ERC1: variants seen among roughly 807,000 people sequenced by gnomAD.
The protein encoded by ERC1 is RAB6 interacting protein 2.
Under a neutral mutation model 132.0 loss-of-function variants are expected in ERC1, and 56 were observed. The ratio of observed to expected loss-of-function variants is 0.42; its 90% CI spans 0.34 to 0.53. ERC1 has a LOEUF of 0.53. Ranked by LOEUF, ERC1 falls within the 20% of genes least tolerant of loss-of-function variation. The probability of loss-of-function intolerance (pLI) is 0.03; values close to 1 mark genes in which losing one functional copy is unlikely to be tolerated. For missense variants in ERC1, 1,202 were observed against 1,349.9 expected (o/e 0.89, Z 1.72); for synonymous variants, 478 against 476.1 (o/e 1.00, Z -0.05).
chr12:1,000,201 C>G (rs1425276743), intron 1 of ERC1, among the ~76,000 whole-genome samples: 1 of 151,928 alleles, frequency 6.6e-6, no homozygotes, highest in African/African-American at 2.4e-5. Context: ...ATAAGATAAT[C>G]AGGCCAGGCA....
chr12:1,336,555 G>T (rs2154360186), intron 15 of ERC1, among the ~76,000 whole-genome samples: 1 of 152,216 alleles, frequency 6.6e-6, no homozygotes, highest in Admixed American at 6.5e-5. Flanking sequence ...ATAATGGTAT[G>T]GTTTCGAGCA....
At chr12:1,167,440 G>A (rs1170617231) in intron 8 of ERC1, among the ~76,000 whole-genome samples, 1 of 152,208 alleles carries the variant, frequency 6.6e-6, no homozygotes, top group Admixed American at 6.5e-5. Context: ...ACCACGTGAA[G>A]AAGTTATTAA....
chr12:1,248,897 T>C (rs569557437), intron 13 of ERC1, among the ~76,000 whole-genome samples: 12 of 151,980 alleles, frequency 7.9e-5, no homozygotes, highest in Admixed American at 7.9e-4. Context: ...TAAAAAAAAA[T>C]TTTTGGAGAC....
intron 2 of ERC1, 97 bp from the exon 3 acceptor site, chr12:1,083,067 G>C: frequency 9.7e-7 from 1 of 1,028,144 alleles, no homozygotes; most frequent in Non-Finnish European, 1.4e-6. Context: ...GCTAGATGCA[G>C]ATTTCTTGTA....
At chr12:1,117,890 A>G (rs1165201225) in intron 7 of ERC1, among the ~76,000 whole-genome samples, 1 of 152,204 alleles carries the variant, frequency 6.6e-6, no homozygotes, top group Non-Finnish European at 1.5e-5. Context: ...TCATCTAGAT[A>G]ATGTTACCTG....
chr12:1,205,676 T>C (rs1339406176), intron 12 of ERC1, among the ~76,000 whole-genome samples: 1 of 152,152 alleles, frequency 6.6e-6, no homozygotes, highest in Non-Finnish European at 1.5e-5. Flanking sequence ...ATCTAAACAT[T>C]TTCTCCACAT....
At chr12:1,360,061 C>T (rs73038686) in intron 15 of ERC1, among the ~76,000 whole-genome samples, 9,213 of 152,042 alleles carry the variant, frequency 0.061, 316 homozygotes, top group South Asian at 0.13. Flanking sequence ...CAGACATTGT[C>T]GTAACTAGGT....
chr12:1,094,937 T>G (rs1036202840), intron 3 of ERC1, among the ~76,000 whole-genome samples: 3 of 152,178 alleles, frequency 2.0e-5, no homozygotes, highest in African/African-American at 4.8e-5. Flanking sequence ...ATTCAGAAAT[T>G]GAATCTGTGA....
chr12:1,129,341 C>A (rs529964091), intron 7 of ERC1, among the ~76,000 whole-genome samples: 29 of 141,872 alleles, frequency 2.0e-4, no homozygotes, highest in African/African-American at 5.5e-4. Context: ...ACAACAACAA[C>A]AAAAAACTAA....
At chr12:1,379,883 G>A (rs942315405) in intron 16 of ERC1, among the ~76,000 whole-genome samples, 7 of 152,116 alleles carry the variant, frequency 4.6e-5, no homozygotes, top group African/African-American at 9.7e-5. Flanking sequence ...ACAGTGATGC[G>A]AATACCTGGA....
At chr12:1,099,507 G>C (rs1464891500) in intron 3 of ERC1, among the ~76,000 whole-genome samples, 5 of 152,132 alleles carry the variant, frequency 3.3e-5, no homozygotes, top group South Asian at 2.1e-4. Context: ...CCAAGACTAC[G>C]TCAGGATCTC....
chr12:1,025,287 A>G (rs1966845468), intron 1 of ERC1, among the ~76,000 whole-genome samples: 1 of 152,168 alleles, frequency 6.6e-6, no homozygotes, highest in Non-Finnish European at 1.5e-5. Flanking sequence ...TTTCCCCTTT[A>G]TAACACAAGT....
At chr12:1,417,644 G>A (rs2092183099) in intron 17 of ERC1, among the ~76,000 whole-genome samples, 1 of 152,026 alleles carries the variant, frequency 6.6e-6, no homozygotes, top group Non-Finnish European at 1.5e-5. Context: ...AGCTGGGTGT[G>A]GTGGCGCGTG....
chr12:1,274,493 T>C lies in ERC1; in HGVS notation c.2619+11328T>C, dbSNP rs536186535. Among the ~76,000 whole-genome samples the C allele has an allele frequency of 3.0e-4, 45 of 151,746 alleles. No individual in the cohort carries two copies. The South Asian group carries it at 9.3e-3, about 31-fold the overall frequency. On this transcript the variant is annotated intron_variant, in intron 14 of 18. Transcript: ENST00000360905. ...TATTTTATTTTATTTTATTTATTTA[T>C]TTATTTATTTATTTATTGAGACAGA...
intron 12 of ERC1, among the ~76,000 whole-genome samples, chr12:1,229,442 A>G (rs1386800386): frequency 2.0e-5 from 3 of 152,196 alleles, no homozygotes; most frequent in Admixed American, 6.5e-5. Flanking sequence ...TTGATGAACT[A>G]TGATGGTGTC....
intron 1 of ERC1, among the ~76,000 whole-genome samples, chr12:1,006,490 C>G (rs989072180): frequency 1.5e-4 from 23 of 152,102 alleles, no homozygotes; most frequent in African/African-American, 5.1e-4. Context: ...CCTAAGTGAT[C>G]TACCCACCTT....
intron 2 of ERC1, among the ~76,000 whole-genome samples, chr12:1,037,702 A>G (rs772861402): frequency 2.6e-5 from 4 of 152,120 alleles, no homozygotes; most frequent in Non-Finnish European, 4.4e-5. Flanking sequence ...AATGAGCACA[A>G]ATATTAAGGT....
chr12:1,249,623 T>A (rs2076353532), intron 13 of ERC1, among the ~76,000 whole-genome samples: 1 of 152,244 alleles, frequency 6.6e-6, no homozygotes, highest in Non-Finnish European at 1.5e-5. Flanking sequence ...TAAATGCTTA[T>A]TGATTTTAAT....
chr12:1,068,917 A>T (rs965208703), intron 2 of ERC1, among the ~76,000 whole-genome samples: 1 of 152,224 alleles, frequency 6.6e-6, no homozygotes, highest in Non-Finnish European at 1.5e-5. Context: ...AATGGCAGTA[A>T]GTGGCACATT....
Sources: gnomAD v4.1 joint callset for allele counts (sites outside exome capture counted in the v4.1 genomes callset) on GRCh38, gnomAD v4.1.1 for gene constraint, MANE v1.5 for transcripts, NCBI Gene and HGNC (gene_info 2026-07-23, HGNC 2026-07-21) for gene names.